The following BLTP3A variants were observed in gnomAD, a reference collection of about 807,000 sequenced individuals.
BLTP3A encodes the protein ICBP90 binding protein 1.
chr6:34,802,704 GCATGC>G, the BLTP3A span, among the ~76,000 whole-genome samples: 1 of 152,184 alleles, frequency 6.6e-6, no homozygotes, highest in Non-Finnish European at 1.5e-5. Flanking sequence ...TTCCACGTTT[GCATGC>G]AAACATCTGA....
chr6:34,799,678 C>T, the BLTP3A span, among the ~76,000 whole-genome samples: 1 of 152,132 alleles, frequency 6.6e-6, no homozygotes, highest in Non-Finnish European at 1.5e-5. Flanking sequence ...TGAATTTTGA[C>T]TCTGCTACTT....
At chr6:34,853,653 C>T in the BLTP3A span, among the ~76,000 whole-genome samples, 184 of 152,120 alleles carry the variant, frequency 1.2e-3, no homozygotes, top group African/African-American at 4.2e-3. Context: ...CTCTGCCTCC[C>T]GGGTTCAAGG....
chr6:34,809,985 CATT>C, the BLTP3A span, among the ~76,000 whole-genome samples: 1 of 152,250 alleles, frequency 6.6e-6, no homozygotes, highest in Non-Finnish European at 1.5e-5. Flanking sequence ...GAAAAGAAAA[CATT>C]ATTCAGAAAA....
At chr6:34,858,653 C>T in the BLTP3A span, 11 of 1,614,184 alleles carry the variant, frequency 6.8e-6, no homozygotes, top group Non-Finnish European at 8.5e-6. Context: ...GAGGCTCTTG[C>T]CCCTGACTCT....
the BLTP3A span, among the ~76,000 whole-genome samples, chr6:34,843,877 C>T: frequency 4.3e-3 from 654 of 150,902 alleles, 5 homozygotes; most frequent in African/African-American, 0.015. Flanking sequence ...TCCAGGGGTT[C>T]CCTTTTCTCT....
chr6:34,852,316 C>G, the BLTP3A span, among the ~76,000 whole-genome samples: 25 of 152,238 alleles, frequency 1.6e-4, no homozygotes, highest in Middle Eastern at 3.4e-3. Flanking sequence ...TTATTCAAGG[C>G]CCAAGGGCCC....
the BLTP3A span, among the ~76,000 whole-genome samples, chr6:34,824,573 A>AC: frequency 2.7e-5 from 4 of 150,346 alleles, no homozygotes; most frequent in African/African-American, 9.8e-5. Flanking sequence ...AAAAAAAAAA[A>AC]CCCAAGAATT....
At chr6:34,801,324 T>C in the BLTP3A span, among the ~76,000 whole-genome samples, 67,921 of 152,064 alleles carry the variant, frequency 0.45, 17,210 homozygotes, top group African/African-American at 0.7. Flanking sequence ...TAGTTCCCTA[T>C]GTTAGCCTGC....
the BLTP3A span, among the ~76,000 whole-genome samples, chr6:34,844,521 C>T: frequency 3.9e-5 from 6 of 152,104 alleles, no homozygotes; most frequent in Non-Finnish European, 7.4e-5. Flanking sequence ...GTGATCTGCC[C>T]GCCTCAGCTT....
At chr6:34,856,100 T>A in the BLTP3A span, 3 of 1,256,252 alleles carry the variant, frequency 2.4e-6, no homozygotes, top group Admixed American at 7.1e-5. Context: ...TATCATTGGA[T>A]AATTTTTCCT....
At chr6:34,832,420 G>A in the BLTP3A span, among the ~76,000 whole-genome samples, 3 of 150,740 alleles carry the variant, frequency 2.0e-5, no homozygotes, top group Middle Eastern at 3.2e-3. Flanking sequence ...TGTGCCCAGC[G>A]TTTTTTCTTT....
chr6:34,855,940 T>A, the BLTP3A span: 1 of 983,724 alleles, frequency 1.0e-6, no homozygotes, highest in Non-Finnish European at 1.2e-6. Flanking sequence ...GTGCCTGAGA[T>A]ATTGCTTTTG....
chr6:34,870,915 T>A, the BLTP3A span: 8 of 1,614,126 alleles, frequency 5.0e-6, no homozygotes, highest in Non-Finnish European at 5.9e-6. Flanking sequence ...CTGTGGGCCT[T>A]CGCTTTGAGG....
At chr6:34,827,388 A>G in the BLTP3A span, among the ~76,000 whole-genome samples, 1 of 151,798 alleles carries the variant, frequency 6.6e-6, no homozygotes, top group Non-Finnish European at 1.5e-5. Flanking sequence ...TATTCAAATA[A>G]AAGAAAAGAG....
At chr6:34,805,592 C>CAAA in the BLTP3A span, among the ~76,000 whole-genome samples, 2 of 96,118 alleles carry the variant, frequency 2.1e-5, no homozygotes, top group African/African-American at 7.3e-5. Context: ...GACTTGGTCT[C>CAAA]AAAAAAAAAA....
the BLTP3A span, chr6:34,821,741 G>A: frequency 6.2e-7 from 1 of 1,614,150 alleles, no homozygotes; most frequent in Non-Finnish European, 8.5e-7. Context: ...GGATGAAGAG[G>A]TTCTACAGAA....
At chr6:34,856,397 C>T in the BLTP3A span, 44 of 1,613,884 alleles carry the variant, frequency 2.7e-5, no homozygotes, top group Admixed American at 3.5e-4. Flanking sequence ...CTCTCTCTTT[C>T]GGAGAAAAGC....
chr6:34,867,639 G>T, the BLTP3A span: 3 of 1,605,518 alleles, frequency 1.9e-6, no homozygotes, highest in South Asian at 1.1e-5. Flanking sequence ...GTCATTCCAC[G>T]ACAGATCATG....
the BLTP3A span, chr6:34,792,123 C>T: frequency 1.3e-6 from 1 of 771,212 alleles, no homozygotes. Flanking sequence ...CGAGAAAGCG[C>T]CATGGCGGCG....
Sources: gnomAD v4.1 joint callset for allele counts (sites outside exome capture counted in the v4.1 genomes callset) on GRCh38, gnomAD v4.1.1 for gene constraint, MANE v1.5 for transcripts, NCBI Gene and HGNC (gene_info 2026-07-23, HGNC 2026-07-21) for gene names.